Variants in RTF1 observed in about 807,000 individuals in gnomAD.
RTF1 encodes the protein RTF1 homolog, Paf1/RNA polymerase II complex component, also known as RNA polymerase-associated protein RTF1 homolog.
In RTF1, 10 loss-of-function variants were observed where a neutral mutation model predicts 95.7. The ratio of observed to expected loss-of-function variants is 0.10; its 90% confidence interval spans 0.06 to 0.18. The LOEUF is 0.18. Ranked by LOEUF, RTF1 falls within the 10% of genes least tolerant of loss-of-function variation. The pLI is 1.00. For missense variants in RTF1, 458 were observed against 875.6 expected (o/e 0.52, Z 6.02); for synonymous variants, 305 against 311.8 (o/e 0.98, Z 0.23).
intron 3 of RTF1, among the ~76,000 whole-genome samples, chr15:41,456,190 CAA>C (rs34135319): frequency 2.0e-4 from 23 of 112,850 alleles, no homozygotes; most frequent in Admixed American, 4.6e-4. Flanking sequence ...AACTCCATCT[CAA>C]AAAAAAAAAA....
intron 1 of RTF1, among the ~76,000 whole-genome samples, chr15:41,428,257 C>CTTTTTTT (rs535870983): frequency 3.1e-5 from 3 of 95,936 alleles, no homozygotes; most frequent in Non-Finnish European, 5.7e-5. Context: ...ACTGATATCC[C>CTTTTTTT]TTTTTTTTTT....
chr15:41,431,381 C>G (rs1484789154), intron 1 of RTF1, among the ~76,000 whole-genome samples: 1 of 149,692 alleles, frequency 6.7e-6, no homozygotes, highest in Non-Finnish European at 1.5e-5. Context: ...CGCCCAGCTA[C>G]TTTTTTTGTA....
chr15:41,449,227 ATTTTTTTT>A (rs34660598), intron 2 of RTF1, among the ~76,000 whole-genome samples: 1 of 109,314 alleles, frequency 9.1e-6, no homozygotes, highest in African/African-American at 3.8e-5. Flanking sequence ...AGGCAGGTGA[ATTTTTTTT>A]TTTTTTTTTT....
At chr15:41,438,879 G>A (rs1378568657) in intron 2 of RTF1, among the ~76,000 whole-genome samples, 1 of 151,270 alleles carries the variant, frequency 6.6e-6, no homozygotes, top group Admixed American at 6.6e-5. Flanking sequence ...AAAGAAAATG[G>A]TGTAATGAAA....
chr15:41,459,297 G>A (rs2050835551), intron 4 of RTF1, among the ~76,000 whole-genome samples: 1 of 151,400 alleles, frequency 6.6e-6, no homozygotes, highest in East Asian at 2.0e-4. Flanking sequence ...TATCATTTGA[G>A]CCCGGAATGT....
At chr15:41,460,472 C>G (rs985338414) in intron 4 of RTF1, among the ~76,000 whole-genome samples, 1 of 152,060 alleles carries the variant, frequency 6.6e-6, no homozygotes, top group African/African-American at 2.4e-5. Context: ...TATATTGGAA[C>G]AAATAGGACT....
At position 41,479,183 on chromosome 15, in the gene RTF1, A is replaced by C. The variant is rs764369985; in HGVS notation, c.1899A>C (p.Pro633=). The change falls in exon 16 of 18, where the codon CCA becomes CCC. Residue 633 remains proline, a synonymous_variant. Coordinates refer to ENST00000389629, the MANE Select transcript of RTF1 (RefSeq NM_015138.5). ...KYGSGVLPDA[P]KEMSKGQGKD... is the part of the protein sequence containing the mutation. ...GTTCTGGAGTGTTACCAGATGCTCC[A>C]AAGGAAATGAGCAAGGCAAGTGTGG... is the stretch of plus-strand genomic sequence containing the variant. 1.9e-6 allele frequency: 3 copies of C among 1,613,014 alleles called. No homozygotes were observed. The highest frequency in any genetic ancestry group is 1.7e-5 in the Admixed American group (1 of 59,994).
chr15:41,431,686 A>G (rs1418562659), intron 1 of RTF1, among the ~76,000 whole-genome samples: 1 of 152,112 alleles, frequency 6.6e-6, no homozygotes, highest in South Asian at 2.1e-4. Context: ...TTTTGTACAG[A>G]CGGGGTTTCA....
At chr15:41,437,685 T>G (rs910317341) in intron 1 of RTF1, among the ~76,000 whole-genome samples, 4 of 152,098 alleles carry the variant, frequency 2.6e-5, no homozygotes, top group Admixed American at 2.0e-4. Context: ...AGTCATGGCT[T>G]ACTTACTGGT....
At chr15:41,477,362 G>A (rs1282489851) in intron 13 of RTF1, 76 bp downstream of exon 13, 4 of 1,613,362 alleles carry the variant, frequency 2.5e-6, no homozygotes, top group Admixed American at 1.7e-5. Context: ...TGTACACTCT[G>A]TGCTGCACTG....
chr15:41,453,024 G>T lies in RTF1; in HGVS notation c.433G>T (p.Ala145Ser). The T allele has an allele frequency of 6.2e-7, 1 of 1,604,142 alleles. No individual in the cohort carries two copies. Among genetic ancestry groups the T allele is most frequent in the South Asian group, 1.1e-5 (1 of 88,758 alleles). The change falls in exon 3 of 18, where the codon GCT becomes TCT. Residue 145 changes from alanine to serine, a missense_variant. By Grantham distance (99) the Ala-to-Ser change is moderately conservative. This residue lies in a region of RTF1 where 39 missense variants were observed against 38.4 expected (regional missense o/e 1.02). Coordinates refer to ENST00000389629, the MANE Select transcript of RTF1 (RefSeq NM_015138.5). ...AGGCAGTTCAGACAAAGACAGTTCA[G>T]CTGAGAGCTCAGCCCCTGAGGAAGG... ...SSGSSDKDSS[A>S]ESSAPEEGEV...
intron 14 of RTF1, 125 bp downstream of exon 14, chr15:41,477,640 T>C (rs756893272): frequency 3.4e-5 from 27 of 786,186 alleles, no homozygotes; most frequent in Non-Finnish European, 1.7e-5. Context: ...GTATACACAC[T>C]CTCTCTGTAT....
chr15:41,440,775 C>T (rs569346916), intron 2 of RTF1, among the ~76,000 whole-genome samples: 1 of 151,906 alleles, frequency 6.6e-6, no homozygotes, highest in East Asian at 1.9e-4. Flanking sequence ...AGGCGTGAGC[C>T]CTGTGCCTGG....
chr15:41,470,381 TGAA>T lies in RTF1; in HGVS notation c.1020_1022del (p.Glu342del), dbSNP rs781269642. On this transcript the variant is annotated inframe_deletion, in exon 7 of 18. Transcript: ENST00000389629. ...GCTCATCACGAACATCATCGTCTGA[TGAA>T]GAAGAGGAGTAAGCTCTTGTACATT... 2 of 1,614,122 alleles carry T rather than the reference TGAA, an allele frequency of 1.2e-6. No individual in the cohort carries two copies. The highest frequency in any genetic ancestry group is 1.7e-6 in the Non-Finnish European group (2 of 1,180,004).
At chr15:41,469,528 CTT>C (rs751672878) in intron 6 of RTF1, among the ~76,000 whole-genome samples, 7 of 138,258 alleles carry the variant, frequency 5.1e-5, no homozygotes, top group Admixed American at 7.3e-5. Flanking sequence ...GGCCACGTTC[CTT>C]TTTTTTTTTT....
At chr15:41,442,177 T>C (rs1468269299) in intron 2 of RTF1, among the ~76,000 whole-genome samples, 1 of 151,488 alleles carries the variant, frequency 6.6e-6, no homozygotes, top group Non-Finnish European at 1.5e-5. Flanking sequence ...ATGATTTTTT[T>C]TTTTTTTTGA....
At chr15:41,475,661 T>TA (rs1261210026) in intron 10 of RTF1, 49 bp downstream of exon 10, 2 of 1,603,342 alleles carry the variant, frequency 1.2e-6, no homozygotes, top group Non-Finnish European at 1.7e-6. Flanking sequence ...GTTGAGAAAA[T>TA]ATCTTTCCAA....
At chr15:41,432,586 T>C (rs1033757472) in intron 1 of RTF1, among the ~76,000 whole-genome samples, 4 of 152,226 alleles carry the variant, frequency 2.6e-5, no homozygotes, top group Non-Finnish European at 5.9e-5. Flanking sequence ...TTAACAGATG[T>C]CTACTATGGT....
At chr15:41,464,270 G>A (rs1364707793) in intron 4 of RTF1, among the ~76,000 whole-genome samples, 1 of 116,806 alleles carries the variant, frequency 8.6e-6, no homozygotes, top group Admixed American at 8.7e-5. Context: ...TTTTTTTTTT[G>A]AAACGGATTC....
Sources: allele counts gnomAD v4.1 joint callset (sites outside exome capture counted in the v4.1 genomes callset), GRCh38; gene constraint gnomAD v4.1.1; regional missense constraint gnomAD v4.1.1; transcripts MANE v1.5; gene names NCBI Gene and HGNC (gene_info 2026-07-23, HGNC 2026-07-21).